ANKS1B: variants seen among roughly 807,000 people sequenced by gnomAD.
The protein encoded by ANKS1B is ankyrin repeat and sterile alpha motif domain-containing protein 1B.
In ANKS1B, 36 loss-of-function variants were observed where a neutral mutation model predicts 148.3. The observed-to-expected ratio is 0.24, with a 90% CI of 0.19 to 0.32. The LOEUF is 0.32. ANKS1B is among the 10% of genes least tolerant of loss of function. The probability of loss-of-function intolerance (pLI) is 1.00; values close to 1 mark genes in which losing one functional copy is unlikely to be tolerated. For missense variants in ANKS1B, 1,157 were observed against 1,542.6 expected, an observed-to-expected ratio of 0.75 and a Z score of 4.19; for synonymous variants, 542 against 560.8, an observed-to-expected ratio of 0.97 and a Z score of 0.47.
chr12:99,259,537 C>A (rs1450281394), intron 12 of ANKS1B, among the ~76,000 whole-genome samples: 1 of 152,198 alleles, frequency 6.6e-6, no homozygotes. Flanking sequence ...CATTTATAAT[C>A]TTTTCTCTTG....
At chr12:99,108,977 A>C (rs1307667654) in intron 15 of ANKS1B, among the ~76,000 whole-genome samples, 1 of 152,186 alleles carries the variant, frequency 6.6e-6, no homozygotes, top group African/African-American at 2.4e-5. Flanking sequence ...GCCTCAAAGA[A>C]GTCATAGCTG....
intron 12 of ANKS1B, among the ~76,000 whole-genome samples, chr12:99,318,024 C>A (rs1191014285): frequency 6.6e-6 from 1 of 152,138 alleles, no homozygotes; most frequent in Non-Finnish European, 1.5e-5. Context: ...CCCACTTGAT[C>A]GTGGTGGATA....
chr12:99,450,673 T>C (rs1469906243), intron 10 of ANKS1B, among the ~76,000 whole-genome samples: 1 of 152,218 alleles, frequency 6.6e-6, no homozygotes, highest in Non-Finnish European at 1.5e-5. Flanking sequence ...CTATCTTGCA[T>C]TGTTCATTAA....
At chr12:99,921,572 A>C (rs1399070890) in intron 1 of ANKS1B, among the ~76,000 whole-genome samples, 1 of 152,072 alleles carries the variant, frequency 6.6e-6, no homozygotes, top group East Asian at 1.9e-4. Flanking sequence ...AAATAACCAA[A>C]TTCTCACTTC....
chr12:99,759,548 G>A (rs1487429994), intron 8 of ANKS1B, among the ~76,000 whole-genome samples: 1 of 151,986 alleles, frequency 6.6e-6, no homozygotes, highest in Non-Finnish European at 1.5e-5. Context: ...CGGACACAGA[G>A]TTAAGTGATT....
chr12:99,476,645 A>G (rs1324084767), intron 10 of ANKS1B, among the ~76,000 whole-genome samples: 4 of 152,164 alleles, frequency 2.6e-5, no homozygotes, highest in Non-Finnish European at 5.9e-5. Flanking sequence ...AATTCAAATA[A>G]AAATGTGATA....
At chr12:98,767,907 A>AC (rs1373193526) in intron 25 of ANKS1B, among the ~76,000 whole-genome samples, 4 of 152,144 alleles carry the variant, frequency 2.6e-5, no homozygotes, top group African/African-American at 7.2e-5. Context: ...CCACTGAAAT[A>AC]CCCATTCCCT....
chr12:99,923,722 C>T (rs2094420781), intron 1 of ANKS1B, among the ~76,000 whole-genome samples: 1 of 152,130 alleles, frequency 6.6e-6, no homozygotes, highest in African/African-American at 2.4e-5. Flanking sequence ...GTAGAAACAT[C>T]TTCTCCTTTG....
chr12:99,011,737 C>T (rs1568352378), intron 17 of ANKS1B, among the ~76,000 whole-genome samples: 2 of 152,038 alleles, frequency 1.3e-5, no homozygotes, highest in African/African-American at 4.8e-5. Context: ...AGGGTTGGGG[C>T]ACAATAGTCA....
At chr12:99,750,252 C>T (rs1240948640) in intron 8 of ANKS1B, among the ~76,000 whole-genome samples, 1 of 151,922 alleles carries the variant, frequency 6.6e-6, no homozygotes, top group Non-Finnish European at 1.5e-5. Flanking sequence ...AAGTAAAAGA[C>T]CCGCTATATA....
chr12:99,701,993 G>A (rs1161061477), intron 8 of ANKS1B, among the ~76,000 whole-genome samples: 3 of 152,126 alleles, frequency 2.0e-5, no homozygotes, highest in African/African-American at 7.2e-5. Flanking sequence ...TAGTGCTGCT[G>A]TAAACATGGG....
chr12:99,418,674 A>C (rs940061662), intron 11 of ANKS1B, among the ~76,000 whole-genome samples: 3 of 152,166 alleles, frequency 2.0e-5, no homozygotes, highest in Admixed American at 6.5e-5. Context: ...AGCTTCCAGC[A>C]CTATGTTGAG....
intron 9 of ANKS1B, among the ~76,000 whole-genome samples, chr12:99,642,519 C>T (rs2098319646): frequency 6.6e-6 from 1 of 152,104 alleles, no homozygotes; most frequent in Non-Finnish European, 1.5e-5. Context: ...CTTCTGGAGG[C>T]TCTAAAAGAG....
At chr12:98,919,821 A>G (rs185876024) in intron 17 of ANKS1B, among the ~76,000 whole-genome samples, 6 of 152,298 alleles carry the variant, frequency 3.9e-5, no homozygotes, top group Admixed American at 2.0e-4. Flanking sequence ...TTCCAAAAAT[A>G]TGCAATTGTT....
At chr12:99,233,324 A>G (rs1286024615) in intron 14 of ANKS1B, among the ~76,000 whole-genome samples, 1 of 152,082 alleles carries the variant, frequency 6.6e-6, no homozygotes, top group East Asian at 1.9e-4. Flanking sequence ...TAAAAATCTG[A>G]GTTTCTAGGT....
At chr12:99,442,874 A>G (rs1033861918) in intron 11 of ANKS1B, among the ~76,000 whole-genome samples, 2 of 151,974 alleles carry the variant, frequency 1.3e-5, no homozygotes, top group African/African-American at 4.8e-5. Context: ...CATTGATTGA[A>G]TCCAAAGTCC....
chr12:99,715,063 G>C (rs1460280355), intron 8 of ANKS1B, among the ~76,000 whole-genome samples: 3 of 151,874 alleles, frequency 2.0e-5, no homozygotes, highest in Non-Finnish European at 4.4e-5. Flanking sequence ...TGGGAGGCGG[G>C]GGTTGCAATA....
chr12:99,893,410 CAAA>C (rs57828427), intron 1 of ANKS1B, among the ~76,000 whole-genome samples: 13 of 102,310 alleles, frequency 1.3e-4, no homozygotes, highest in African/African-American at 1.1e-4. Context: ...GACTCCATCT[CAAA>C]AAAAAAAAAA....
intron 9 of ANKS1B, among the ~76,000 whole-genome samples, chr12:99,536,281 T>C (rs2097064926): frequency 6.6e-6 from 1 of 152,140 alleles, no homozygotes; most frequent in Admixed American, 6.6e-5. Context: ...TGTAGCACTC[T>C]GGTGGGGATG....
Sources: gnomAD v4.1 joint callset for allele counts (sites outside exome capture counted in the v4.1 genomes callset) on GRCh38, gnomAD v4.1.1 for gene constraint, MANE v1.5 for transcripts, NCBI Gene and HGNC (gene_info 2026-07-23, HGNC 2026-07-21) for gene names.